The following AP1AR variants were observed in gnomAD, a reference collection of about 807,000 sequenced individuals.
AP1AR encodes the protein adaptor related protein complex 1 associated regulatory protein.
A neutral mutation model predicts 46.3 loss-of-function variants in AP1AR; 29 were observed. That is an observed-to-expected ratio of 0.63 (90% CI 0.47 to 0.85). The LOEUF (loss-of-function observed/expected upper bound fraction) is 0.85, where lower values mean the gene tolerates loss of function less well. Among genes scored for constraint, AP1AR ranks in the 40% least tolerant of loss-of-function variants. The pLI is 0.00. For synonymous variants in AP1AR, 122 were observed against 122.9 expected, an observed-to-expected ratio of 0.99 and a Z score of 0.05; for missense variants, 357 against 356.3, an observed-to-expected ratio of 1.00 and a Z score of -0.02.
Position 112,272,146 on chromosome 4 carries a change from G to A in AP1AR, c.*3737G>A, listed in dbSNP as rs1688119691. Among the ~76,000 whole-genome samples, 1 of 152,202 alleles carries A rather than the reference G, an allele frequency of 6.6e-6. No homozygotes were observed. Among genetic ancestry groups the A allele is most frequent in the Non-Finnish European group, 1.5e-5 (1 of 68,042 alleles). ...ACAGCTAATGCAGACAATTTGAAAAGAGAGCAGAGAAATGGGGTAGCTGGA... is the reference window on the plus strand; with the variant it reads ...ACAGCTAATGCAGACAATTTGAAAAAAGAGCAGAGAAATGGGGTAGCTGGA... On this transcript the variant is annotated 3_prime_UTR_variant, in exon 10 of 10. Transcript: ENST00000274000.
chr4:112,253,789 G>A (rs892128781), intron 2 of AP1AR, among the ~76,000 whole-genome samples: 1 of 152,124 alleles, frequency 6.6e-6, no homozygotes, highest in African/African-American at 2.4e-5. Flanking sequence ...AAAATCAGAG[G>A]CTTAGACAGG....
intron 1 of AP1AR, among the ~76,000 whole-genome samples, chr4:112,236,639 G>A (rs1229993998): frequency 1.3e-5 from 2 of 152,056 alleles, no homozygotes; most frequent in African/African-American, 4.8e-5. Context: ...GACCTGAAAC[G>A]ATCTGCCCAC....
chr4:112,239,642 G>A (rs532316195), intron 1 of AP1AR, among the ~76,000 whole-genome samples: 3 of 152,180 alleles, frequency 2.0e-5, no homozygotes, highest in African/African-American at 4.8e-5. Context: ...CACTTCTCTC[G>A]CTGCTGCCAC....
chr4:112,236,909 C>A (rs944873074), intron 1 of AP1AR, among the ~76,000 whole-genome samples: 1 of 152,124 alleles, frequency 6.6e-6, no homozygotes, highest in South Asian at 2.1e-4. Context: ...TTTCAAAAAA[C>A]GTGTCATTCA....
At chr4:112,253,092 ACTATAT>A (rs1726030539) in intron 1 of AP1AR, 110 bp from the exon 2 acceptor site, 1 of 661,478 alleles carries the variant, frequency 1.5e-6, no homozygotes, top group African/African-American at 1.9e-5. Context: ...TATAAATATA[ACTATAT>A]GTTAGAGATT....
intron 1 of AP1AR, among the ~76,000 whole-genome samples, chr4:112,243,655 A>AT (rs1187265928): frequency 6.6e-6 from 1 of 152,206 alleles, no homozygotes; most frequent in East Asian, 1.9e-4. Flanking sequence ...TATTATATGA[A>AT]TAGGCCATAA....
At chr4:112,258,329 T>C (rs1481799536) in intron 4 of AP1AR, among the ~76,000 whole-genome samples, 1 of 152,254 alleles carries the variant, frequency 6.6e-6, no homozygotes, top group African/African-American at 2.4e-5. Context: ...CTTACTTTTT[T>C]TAGTTTAGCA....
chr4:112,270,219 G>A lies in AP1AR; in HGVS notation c.*1810G>A, dbSNP rs1353890350. Among the ~76,000 whole-genome samples, 2 of 152,120 alleles carry A rather than the reference G, an allele frequency of 1.3e-5. No homozygotes were observed. Among genetic ancestry groups the A allele is most frequent in the African/African-American group, 2.4e-5 (1 of 41,430 alleles). Reference sequence around the variant, plus strand: ...ACTGTTAAAAAAAAGTTAACGTTTTGTTTTGTGTTTATAAAAAGTACTAGA... The same window carrying A: ...ACTGTTAAAAAAAAGTTAACGTTTTATTTTGTGTTTATAAAAAGTACTAGA... On this transcript the variant is annotated 3_prime_UTR_variant, in exon 10 of 10. Coordinates refer to ENST00000274000, the MANE Select transcript of AP1AR (RefSeq NM_018569.6).
intron 2 of AP1AR, among the ~76,000 whole-genome samples, chr4:112,254,128 A>C (rs1284375895): frequency 6.6e-6 from 1 of 152,204 alleles, no homozygotes; most frequent in Non-Finnish European, 1.5e-5. Flanking sequence ...AGTTATTTAT[A>C]TTTAAAATAA....
intron 1 of AP1AR, among the ~76,000 whole-genome samples, chr4:112,251,312 A>G (rs1215011123): frequency 6.6e-6 from 1 of 152,348 alleles, no homozygotes; most frequent in East Asian, 1.9e-4. Context: ...GGGACAGAAA[A>G]GGGAGATATT....
Position 112,268,179 on chromosome 4 carries a change from A to G in AP1AR, c.679A>G (p.Lys227Glu), listed in dbSNP as rs1261028634. Residue 227 changes from lysine to glutamate, a missense_variant, in exon 10 of 10, where the codon AAA (lysine) becomes GAA (glutamate). Around this residue, in one of 2 missense-constraint regions of AP1AR, gnomAD observed 88 missense variants for 132.7 expected, o/e 0.66. Transcript: ENST00000274000. ...NRMLPMRERSKTEEDILRAAL... is the reference protein window; with the variant it reads ...NRMLPMRERSETEEDILRAAL... ...AATGCTTCCAATGAGAGAACGTTCC[A>G]AAACAGAGGAAGACATTCTACGGGC... 6.3e-7 allele frequency: 1 copy of G among 1,597,526 alleles called. No individual in the cohort carries two copies. Among genetic ancestry groups the G allele is most frequent in the African/African-American group, 1.3e-5 (1 of 74,382 alleles).
rs1304917966 is a variant in AP1AR, at chr4:112,232,154, G to C, written c.63G>C (p.Gln21His). 7.8e-7 allele frequency: 1 copy of C among 1,283,978 alleles called. No homozygotes were observed. Among genetic ancestry groups the C allele is most frequent in the South Asian group, 2.7e-5 (1 of 37,694 alleles). The allele number at this position is 1,283,978 out of a possible 1,614,324, so 79.5% of individuals were successfully genotyped here. ...TTCGCAAGGAAGCGGGGCGGCTGCA[G>C]CGAGTAGGCGGCGGCGGAGGGTAAG... ...GLLRKEAGRL[Q>H]RVGGGGGSKY... The change falls in exon 1 of 10, where the codon CAG (glutamine) becomes CAC (histidine). Residue 21 changes from glutamine to histidine, a missense_variant. Physicochemically the swap from Gln to His is conservative, Grantham distance 24. Transcript: ENST00000274000.
chr4:112,262,468 T>G (rs1024657166), intron 5 of AP1AR, among the ~76,000 whole-genome samples: 6 of 152,244 alleles, frequency 3.9e-5, no homozygotes, highest in African/African-American at 1.4e-4. Context: ...GCTTATGTGC[T>G]CTTATGAATA....
Position 112,232,165 on chromosome 4 carries a change from GC to G in AP1AR, c.75del (p.Gly26AlafsTer16). ...GCGGGGCGGCTGCAGCGAGTAGGCG[GC>G]GGCGGAGGGTAAGCCCGCTGGGGGA... The part of the protein sequence containing the change: ...KEAGRLQRVG[G>X]GGGSKYFRTC... On this transcript the variant is annotated frameshift_variant, in exon 1 of 10. Coordinates refer to ENST00000274000, the MANE Select transcript of AP1AR (RefSeq NM_018569.6). LOFTEE classifies it high-confidence loss of function. 7.8e-7 allele frequency: 1 copy of G among 1,285,858 alleles called. No homozygotes were observed. The allele number at this position is 1,285,858 out of a possible 1,614,324, so 79.7% of individuals were successfully genotyped here.
In AP1AR at chr4:112,245,182, C is replaced by A. The variant is rs547486599; in HGVS notation, c.84-8026C>A. ...TATACTCCTAATTTTTAGTGAAAATCTTTTTATGAATAATAGTTAATTAAT... is the reference window on the plus strand; with the variant it reads ...TATACTCCTAATTTTTAGTGAAAATATTTTTATGAATAATAGTTAATTAAT... On this transcript the variant is annotated intron_variant, in intron 1 of 9. Coordinates refer to ENST00000274000, the MANE Select transcript of AP1AR (RefSeq NM_018569.6). Among the ~76,000 whole-genome samples the A allele has an allele frequency of 4.6e-5, 7 of 152,138 alleles. No individual in the cohort carries two copies. The East Asian group carries it at 5.8e-4, about 13-fold the overall frequency.
At chr4:112,263,730 C>A (rs1347814434) in intron 6 of AP1AR, among the ~76,000 whole-genome samples, 1 of 152,154 alleles carries the variant, frequency 6.6e-6, no homozygotes, top group African/African-American at 2.4e-5. Flanking sequence ...CTGTCAGGAG[C>A]AGCAATGTTT....
intron 1 of AP1AR, among the ~76,000 whole-genome samples, chr4:112,250,710 C>T (rs1647417643): frequency 6.6e-6 from 1 of 152,138 alleles, no homozygotes; most frequent in Non-Finnish European, 1.5e-5. Flanking sequence ...TCAGTATAAT[C>T]TTAGCTTTTA....
rs1726789596 is a variant in AP1AR, at chr4:112,268,245, A to G, written c.745A>G (p.Thr249Ala). 1.2e-6 allele frequency: 2 copies of G among 1,613,138 alleles called. No individual in the cohort carries two copies. Among genetic ancestry groups the G allele is most frequent in the Non-Finnish European group, 1.7e-6 (2 of 1,179,392 alleles). ...YSNKKTGSNP[T>A]SASDDSNGLE... is the part of the protein sequence containing the mutation. The stretch of plus-strand genomic sequence containing the variant: ...CAACAAGAAGACTGGAAGTAATCCT[A>G]CATCAGCCTCTGATGATTCCAATGG... Residue 249 changes from threonine to alanine, a missense_variant, in exon 10 of 10, where the codon ACA becomes GCA. Transcript: ENST00000274000.
chr4:112,235,771 C>T (rs1042534297), intron 1 of AP1AR, among the ~76,000 whole-genome samples: 4 of 152,148 alleles, frequency 2.6e-5, no homozygotes, highest in African/African-American at 4.8e-5. Context: ...TATAGGTAAA[C>T]ATTTGGTTGC....
Sources: allele counts gnomAD v4.1 joint callset (sites outside exome capture counted in the v4.1 genomes callset), GRCh38; gene constraint gnomAD v4.1.1; regional missense constraint gnomAD v4.1.1; transcripts MANE v1.5; gene names NCBI Gene and HGNC (gene_info 2026-07-23, HGNC 2026-07-21).